The following SLC7A6 variants were observed in gnomAD, a reference collection of about 807,000 sequenced individuals.
SLC7A6 encodes Y+L amino acid transporter 2.
SLC7A6 carries 29 observed loss-of-function variants against 46.6 expected under a neutral mutation model. The observed-to-expected ratio is 0.62, with a 90% CI of 0.46 to 0.85. The LOEUF (loss-of-function observed/expected upper bound fraction) is 0.85. Ranked by LOEUF, SLC7A6 falls within the 40% of genes least tolerant of loss-of-function variation. The pLI is 0.00. For missense variants in SLC7A6, 527 were observed against 647.6 expected (o/e 0.81, Z 2.02); for synonymous variants, 276 against 257.3 (o/e 1.07, Z -0.70).
chr16:68,275,201 T>G lies in SLC7A6; in HGVS notation c.475T>G (p.Cys159Gly), dbSNP rs746107372. ...CATCATCCAGCCGTCCTTCCCCAGCTGTGATCCCCCATACCTGGCCTGCCG... is the reference window on the plus strand; with the variant it reads ...CATCATCCAGCCGTCCTTCCCCAGCGGTGATCCCCCATACCTGGCCTGCCG... ...NYIIQPSFPSCDPPYLACRLL... is the reference protein window; with the variant it reads ...NYIIQPSFPSGDPPYLACRLL... The change falls in exon 3 of 11, where the codon TGT (cysteine) becomes GGT (glycine). Residue 159 changes from cysteine (C) to glycine (G), a missense_variant. By Grantham distance (159) the Cys-to-Gly change is radical. Transcript: ENST00000219343. 2 of 1,613,662 alleles carry G rather than the reference T, an allele frequency of 1.2e-6. No individual in the cohort carries two copies. The highest frequency in any genetic ancestry group is 3.3e-5 in the Admixed American group (2 of 59,962).
At chr16:68,272,846 C>T (rs995886079) in intron 2 of SLC7A6, 2 of 152,234 alleles carry the variant, frequency 1.3e-5, no homozygotes, top group Non-Finnish European at 2.9e-5. Flanking sequence ...TCCTAGGTCT[C>T]TTTGCACCTG....
rs763940908 is a variant in SLC7A6, at chr16:68,298,087, A to C, written c.*759A>C. 2.6e-5 allele frequency: 4 copies of C among 152,680 alleles called. No individual in the cohort carries two copies. Among genetic ancestry groups the C allele is most frequent in the Admixed American group, 2.0e-4 (3 of 15,288 alleles). 9.5% of individuals were successfully genotyped at this position (152,680 alleles called of 1,614,324 possible). ...ACCTGTTACACTTTAGCATACAGAT[A>C]GATCATAGATCACGTTACAAGCACT... On this transcript the variant is annotated 3_prime_UTR_variant, in exon 11 of 11. Coordinates refer to ENST00000219343, the MANE Select transcript of SLC7A6 (RefSeq NM_003983.6).
intron 7 of SLC7A6, among the ~76,000 whole-genome samples, chr16:68,294,255 G>T (rs79517384): frequency 0.041 from 6,217 of 152,258 alleles, 152 homozygotes; most frequent in Middle Eastern, 0.14. Flanking sequence ...AGCCTGGGTT[G>T]TCTCTCTGAC....
intron 10 of SLC7A6, among the ~76,000 whole-genome samples, chr16:68,297,015 A>T (rs1597012992): frequency 6.6e-6 from 1 of 152,312 alleles, no homozygotes; most frequent in Admixed American, 6.5e-5. Context: ...TTACCTCCTG[A>T]CAACACAAAT....
At chr16:68,265,169 C>T (rs1241541852) in intron 1 of SLC7A6, among the ~76,000 whole-genome samples, 1 of 152,176 alleles carries the variant, frequency 6.6e-6, no homozygotes, top group Non-Finnish European at 1.5e-5. Flanking sequence ...GAGAATGCCG[C>T]AAGGTTTTGT....
At chr16:68,291,525 C>T (rs376506056) in intron 6 of SLC7A6, 33 bp from the exon 7 acceptor site, 106 of 1,604,672 alleles carry the variant, frequency 6.6e-5, no homozygotes, top group East Asian at 2.2e-4. Flanking sequence ...AAACCCTGTG[C>T]GTTTAAGTGC....
intron 3 of SLC7A6, among the ~76,000 whole-genome samples, chr16:68,275,543 G>A (rs1032463318): frequency 6.0e-5 from 9 of 149,904 alleles, no homozygotes; most frequent in East Asian, 5.8e-4. Context: ...TGTGGGGAGC[G>A]GAGATCATGC....
chr16:68,273,928 A>G (rs2042665003), intron 2 of SLC7A6: 1 of 152,026 alleles, frequency 6.6e-6, no homozygotes, highest in African/African-American at 2.4e-5. Flanking sequence ...CGCCCAGCTA[A>G]TTTTTGTAAG....
Position 68,299,912 on chromosome 16 carries a change from A to G in SLC7A6, c.*2584A>G, listed in dbSNP as rs1211717858. 6.6e-6 allele frequency: 1 copy of G among 152,248 alleles called. No individual in the cohort carries two copies. The highest frequency in any genetic ancestry group is 1.5e-5 in the Non-Finnish European group (1 of 68,042). 9.4% of individuals were successfully genotyped at this position (152,248 alleles called of 1,614,324 possible). A position where few individuals can be genotyped will look rare whatever the true frequency, so the allele number is the denominator to read the frequency against. On this transcript the variant is annotated 3_prime_UTR_variant, in exon 11 of 11. Transcript: ENST00000219343. ...GGTTGAACAACTCCATGTAGATAAG[A>G]GCAAGTGTAGGCAAAGGTTTAGAAA...
In SLC7A6 at chr16:68,297,514, A is replaced by C; in HGVS notation, c.*186A>C. ...AGACTCAGGATCTGGGCCAACCTCAAGGTGGGGGCTTCAGAGGGTGGGGGG... is the reference window on the plus strand; with the variant it reads ...AGACTCAGGATCTGGGCCAACCTCACGGTGGGGGCTTCAGAGGGTGGGGGG... On this transcript the variant is annotated 3_prime_UTR_variant, in exon 11 of 11. Transcript: ENST00000219343. 4.6e-5 allele frequency: 8 copies of C among 173,494 alleles called. No individual in the cohort carries two copies. The highest frequency in any genetic ancestry group is 1.6e-4 in the East Asian group (1 of 6,206). The allele number at this position is 173,494 out of a possible 1,614,324, so 10.7% of individuals were successfully genotyped here.
chr16:68,272,623 A>T (rs2042640325), intron 2 of SLC7A6, among the ~76,000 whole-genome samples: 1 of 152,180 alleles, frequency 6.6e-6, no homozygotes. Flanking sequence ...CACCTCTCTA[A>T]ATAAGGCCAC....
At chr16:68,290,303 T>C in intron 4 of SLC7A6, 93 bp from the exon 5 acceptor site, 1 of 1,352,562 alleles carries the variant, frequency 7.4e-7, no homozygotes, top group South Asian at 1.4e-5. Flanking sequence ...TATTCTCCTT[T>C]CGTATCTTTC....
chr16:68,275,006 G>A lies in SLC7A6; in HGVS notation c.280G>A (p.Gly94Ser). 1 of 1,614,134 alleles carries A rather than the reference G, an allele frequency of 6.2e-7. No individual in the cohort carries two copies. The highest frequency in any genetic ancestry group is 8.5e-7 in the Non-Finnish European group (1 of 1,180,024). Residue 94 changes from glycine to serine, a missense_variant, in exon 3 of 11, where the codon GGT becomes AGT. Physicochemically the swap from Gly to Ser is moderately conservative, Grantham distance 56. Coordinates refer to ENST00000219343, the MANE Select transcript of SLC7A6 (RefSeq NM_003983.6). ...WAIGGLFSVVGALCYAELGTT... is the reference protein window; with the variant it reads ...WAIGGLFSVVSALCYAELGTT... ...CATTGGTGGGCTCTTCTCTGTTGTG[G>A]GTGCCCTTTGTTATGCAGAGCTGGG...
intron 2 of SLC7A6, among the ~76,000 whole-genome samples, chr16:68,274,153 T>C (rs1195576652): frequency 6.6e-6 from 1 of 152,148 alleles, no homozygotes; most frequent in Non-Finnish European, 1.5e-5. Flanking sequence ...CATCACCTCC[T>C]CATGTTCTGT....
At chr16:68,276,118 G>A (rs2042708858) in intron 3 of SLC7A6, among the ~76,000 whole-genome samples, 1 of 152,192 alleles carries the variant, frequency 6.6e-6, no homozygotes, top group South Asian at 2.1e-4. Context: ...CTGAGCAGCA[G>A]GTACAACAAA....
intron 3 of SLC7A6, among the ~76,000 whole-genome samples, chr16:68,278,179 T>A (rs2042752423): frequency 6.6e-6 from 1 of 151,110 alleles, no homozygotes; most frequent in Non-Finnish European, 1.5e-5. Flanking sequence ...ATGGTCTTGA[T>A]CTCTTGACCT....
At position 68,274,956 on chromosome 16, in the gene SLC7A6, A is replaced by G. The variant is rs967666718; in HGVS notation, c.230A>G (p.Tyr77Cys). ...GGTGTGCTGGTACACACTGCCTCCT[A>G]TGGGATGTCACTGATTGTGTGGGCC... is the stretch of plus-strand genomic sequence containing the variant. Reference protein sequence around the residue: ...PKGVLVHTASYGMSLIVWAIG... With the variant: ...PKGVLVHTASCGMSLIVWAIG... The change falls in exon 3 of 11, where the codon TAT becomes TGT. Residue 77 changes from tyrosine to cysteine, a missense_variant. By Grantham distance (194) the Tyr-to-Cys change is radical (BLOSUM62 -2). Transcript: ENST00000219343. The G allele has an allele frequency of 1.2e-6, 2 of 1,614,108 alleles. No individual in the cohort carries two copies. The highest frequency in any genetic ancestry group is 8.5e-7 in the Non-Finnish European group (1 of 1,180,020).
chr16:68,297,379 C>G lies in SLC7A6; in HGVS notation c.*51C>G. On this transcript the variant is annotated 3_prime_UTR_variant, in exon 11 of 11. Transcript: ENST00000219343. ...TGGAAGGCAGGCCAACCAGCAAAAT[C>G]CTGATAACAAGACTCTGTGGGCCCA... is the stretch of plus-strand genomic sequence containing the variant. 1 of 1,494,120 alleles carries G rather than the reference C, an allele frequency of 6.7e-7. No homozygotes were observed. Among genetic ancestry groups the G allele is most frequent in the Non-Finnish European group, 9.3e-7 (1 of 1,075,658 alleles). The allele number at this position is 1,494,120 out of a possible 1,614,324, so 92.6% of individuals were successfully genotyped here.
intron 3 of SLC7A6, chr16:68,287,400 T>C: frequency 1.5e-6 from 2 of 1,305,804 alleles, no homozygotes; most frequent in South Asian, 1.2e-5. Context: ...TTGTGTCTCC[T>C]GTGGTTTGGA....
Sources: allele counts gnomAD v4.1 joint callset (sites outside exome capture counted in the v4.1 genomes callset), GRCh38; gene constraint gnomAD v4.1.1; transcripts MANE v1.5; gene names NCBI Gene and HGNC (gene_info 2026-07-23, HGNC 2026-07-21).